Variants in PDZD8 observed in about 807,000 individuals in gnomAD.
PDZD8 encodes the protein PDZ domain containing 8.
A neutral mutation model predicts 85.8 loss-of-function variants in PDZD8; 14 were observed. That is an observed-to-expected ratio of 0.16 (90% confidence interval 0.11 to 0.26). The LOEUF (loss-of-function observed/expected upper bound fraction) is 0.26, where lower values mean the gene tolerates loss of function less well. PDZD8 is among the 10% of genes least tolerant of loss of function. PDZD8 has a pLI of 1.00. For synonymous variants in PDZD8, 592 were observed against 568.6 expected, an observed-to-expected ratio of 1.04 and a Z score of -0.59; for missense variants, 1,197 against 1,424.3, an observed-to-expected ratio of 0.84 and a Z score of 2.57.
chr10:117,328,690 A>G (rs554224329), intron 2 of PDZD8, among the ~76,000 whole-genome samples: 1 of 151,514 alleles, frequency 6.6e-6, no homozygotes, highest in Non-Finnish European at 1.5e-5. Flanking sequence ...CTATTGTTCT[A>G]TTTCCTTGTT....
At chr10:117,332,320 A>G (rs1844431917) in intron 2 of PDZD8, among the ~76,000 whole-genome samples, 1 of 152,132 alleles carries the variant, frequency 6.6e-6, no homozygotes, top group African/African-American at 2.4e-5. Context: ...ACAGAACTTC[A>G]GCCTTCAACT....
intron 3 of PDZD8, among the ~76,000 whole-genome samples, chr10:117,309,917 A>G (rs1844008054): frequency 6.6e-6 from 1 of 152,148 alleles, no homozygotes; most frequent in African/African-American, 2.4e-5. Context: ...TGAGACTCAA[A>G]TCCAGCTCTC....
chr10:117,353,955 TAA>T (rs1218483177), intron 1 of PDZD8, among the ~76,000 whole-genome samples: 3 of 152,204 alleles, frequency 2.0e-5, no homozygotes, highest in African/African-American at 7.2e-5. Context: ...CATTGGTACC[TAA>T]AAATGAGTTA....
chr10:117,341,938 T>C (rs1844620756), intron 1 of PDZD8, among the ~76,000 whole-genome samples: 1 of 152,190 alleles, frequency 6.6e-6, no homozygotes, highest in South Asian at 2.1e-4. Flanking sequence ...GCTAAGTGCT[T>C]TTTACATGCA....
chr10:117,374,979 G>C lies in PDZD8; in HGVS notation c.249C>G (p.Ala83=), dbSNP rs759799604. 8 of 1,598,998 alleles carry C rather than the reference G, an allele frequency of 5.0e-6. No homozygotes were observed. In the Admixed American group the frequency reaches 5.2e-5, roughly 10 times the overall value. The change falls in exon 1 of 5, where the codon GCC becomes GCG. Residue 83 remains alanine (A), a synonymous_variant. Transcript: ENST00000334464. This position sits in a 1 kb window ranked among gnomAD's most constrained non-coding sequence, Gnocchi z 7.8. The part of the protein sequence containing the change: ...APEGGATPTA[A]PETPAPPTRE... The stretch of plus-strand genomic sequence containing the variant: ...GCGTCGGCGGGGCGGGGGTCTCGGG[G>C]GCCGCGGTGGGGGTCGCGCCGCCCT...
intron 3 of PDZD8, among the ~76,000 whole-genome samples, chr10:117,300,559 G>A (rs1188460488): frequency 6.6e-6 from 1 of 152,102 alleles, no homozygotes; most frequent in Non-Finnish European, 1.5e-5. Context: ...AGCTCCTTTG[G>A]TTGAAGGAAC....
Position 117,278,001 on chromosome 10 carries a change from A to G in PDZD8, c.*5267T>C, listed in dbSNP as rs1844523486. 6.6e-6 allele frequency: 1 copy of G among 152,236 alleles called. No homozygotes were observed. Among genetic ancestry groups the G allele is most frequent in the African/African-American group, 2.4e-5 (1 of 41,470 alleles). 9.4% of individuals were successfully genotyped at this position (152,236 alleles called of 1,614,324 possible). A position where few individuals can be genotyped will look rare whatever the true frequency, so the allele number is the denominator to read the frequency against. ...AAAGCAGAGAAAAGCAACCAAACAT[A>G]TTGTTATGAACTAAAAGCTTTCCCT... On this transcript the variant is annotated 3_prime_UTR_variant, in exon 5 of 5. Coordinates refer to ENST00000334464, the MANE Select transcript of PDZD8 (RefSeq NM_173791.5).
chr10:117,355,545 A>G (rs1844879341), intron 1 of PDZD8, among the ~76,000 whole-genome samples: 1 of 152,324 alleles, frequency 6.6e-6, no homozygotes, highest in East Asian at 1.9e-4. Flanking sequence ...TTGGAATCCT[A>G]TTGTGTCACT....
chr10:117,305,509 C>G (rs1843926297), intron 3 of PDZD8, among the ~76,000 whole-genome samples: 2 of 113,992 alleles, frequency 1.8e-5, no homozygotes, highest in African/African-American at 6.3e-5. Context: ...CACACACACA[C>G]ACACACATAT....
intron 1 of PDZD8, among the ~76,000 whole-genome samples, chr10:117,360,320 T>G (rs536877192): frequency 6.6e-6 from 1 of 152,086 alleles, no homozygotes; most frequent in Non-Finnish European, 1.5e-5. Flanking sequence ...TATCTTCTTA[T>G]GTTCATCACA....
chr10:117,318,825 TA>T, intron 3 of PDZD8, 46 bp downstream of exon 3: 1 of 1,373,216 alleles, frequency 7.3e-7, no homozygotes, highest in Non-Finnish European at 1.0e-6. Flanking sequence ...TGCATGCTTA[TA>T]AAATAGAACT....
chr10:117,290,332 C>T lies in PDZD8; in HGVS notation c.1115G>A (p.Gly372Glu). ...SSIKTVELIK[G>E]NLQSVGLTLR... is the part of the protein sequence containing the mutation. ...TGTAAGTCCAACACTTTGTAAATTT[C>T]CTTTTATTAATTCAACCTTTGATAA... The change falls in exon 4 of 5, where the codon GGA (glycine) becomes GAA (glutamate). Residue 372 changes from glycine to glutamate, a missense_variant. Gly to Glu is a moderately conservative substitution (Grantham distance 98). This residue lies in a region of PDZD8 where 344 missense variants were observed against 453.6 expected (regional missense o/e 0.76). Transcript: ENST00000334464. 6.3e-7 allele frequency: 1 copy of T among 1,599,384 alleles called. No homozygotes were observed. Among genetic ancestry groups the T allele is most frequent in the South Asian group, 1.1e-5 (1 of 88,400 alleles).
intron 1 of PDZD8, among the ~76,000 whole-genome samples, chr10:117,349,856 A>T (rs1344794029): frequency 6.6e-6 from 1 of 152,188 alleles, no homozygotes; most frequent in African/African-American, 2.4e-5. Context: ...TCAGTGAATG[A>T]ATGGAAAATA....
chr10:117,370,830 G>A (rs1480888582), intron 1 of PDZD8, among the ~76,000 whole-genome samples: 1 of 152,032 alleles, frequency 6.6e-6, no homozygotes, highest in African/African-American at 2.4e-5. Flanking sequence ...CTTCTCAAGA[G>A]TTCTAGGTTA....
At chr10:117,286,565 A>C (rs1361337701) in intron 4 of PDZD8, among the ~76,000 whole-genome samples, 1 of 152,184 alleles carries the variant, frequency 6.6e-6, no homozygotes, top group African/African-American at 2.4e-5. Context: ...CATCACTTGG[A>C]ACTTGTCCAC....
intron 3 of PDZD8, among the ~76,000 whole-genome samples, chr10:117,290,987 A>C (rs989322879): frequency 3.3e-5 from 5 of 149,418 alleles, no homozygotes; most frequent in Non-Finnish European, 7.4e-5. Flanking sequence ...CTCTCACCTC[A>C]GCCTCCCAAG....
chr10:117,365,830 A>G (rs747155671), intron 1 of PDZD8, among the ~76,000 whole-genome samples: 1 of 152,128 alleles, frequency 6.6e-6, no homozygotes, highest in Non-Finnish European at 1.5e-5. Flanking sequence ...ACGTCCTATG[A>G]CTCTGAGGTA....
intron 1 of PDZD8, among the ~76,000 whole-genome samples, chr10:117,349,569 G>A (rs1844767140): frequency 6.6e-6 from 1 of 152,192 alleles, no homozygotes; most frequent in African/African-American, 2.4e-5. Flanking sequence ...TTGGGAGGCT[G>A]AGGCAGGCGA....
chr10:117,291,857 T>A (rs1274039115), intron 3 of PDZD8, among the ~76,000 whole-genome samples: 9 of 146,986 alleles, frequency 6.1e-5, no homozygotes, highest in Non-Finnish European at 9.0e-5. Context: ...ACAACTGATT[T>A]AAAAAAAAAA....
Sources: allele counts gnomAD v4.1 joint callset (sites outside exome capture counted in the v4.1 genomes callset), GRCh38; gene constraint gnomAD v4.1.1; regional missense constraint gnomAD v4.1.1; non-coding constraint Gnocchi (gnomAD v3.1); transcripts MANE v1.5; gene names NCBI Gene and HGNC (gene_info 2026-07-23, HGNC 2026-07-21).